Variants in DNAH2 observed in about 807,000 individuals in gnomAD.
DNAH2 encodes dynein axonemal heavy chain 2, also known as axonemal beta dynein heavy chain 2.
Under a neutral mutation model 523.5 loss-of-function variants are expected in DNAH2, and 323 were observed. The ratio of observed to expected loss-of-function variants is 0.62; its 90% CI spans 0.56 to 0.68. The LOEUF (loss-of-function observed/expected upper bound fraction) is 0.68. DNAH2 is among the 30% of genes least tolerant of loss of function. The pLI, the probability that DNAH2 is intolerant of heterozygous loss-of-function variation, is 0.00. For missense variants in DNAH2, 4,907 were observed against 5,701.5 expected (o/e 0.86, Z 4.49); for synonymous variants, 2,093 against 2,177.4 (o/e 0.96, Z 1.08).
Position 7,796,617 on chromosome 17 carries a change from A to G in DNAH2, c.7828A>G (p.Met2610Val). Residue 2610 changes from methionine to valine, a missense_variant, in exon 50 of 86, where the codon ATG becomes GTG. Coordinates refer to ENST00000572933, the MANE Select transcript of DNAH2 (RefSeq NM_020877.5). The stretch of plus-strand genomic sequence containing the variant: ...GCGCTTCCTGCCCACGCCCACCAAG[A>G]TGCATTACCTCTTCAACCTTCGAGA... ...VQRFLPTPTKMHYLFNLRDIS... is the reference protein window; with the variant it reads ...VQRFLPTPTKVHYLFNLRDIS... 6.2e-7 allele frequency: 1 copy of G among 1,612,906 alleles called. No individual in the cohort carries two copies. The highest frequency in any genetic ancestry group is 2.2e-5 in the East Asian group (1 of 44,758).
Position 7,759,477 on chromosome 17 carries a change from C to A in DNAH2, c.2504C>A (p.Ala835Asp). 2 of 1,614,118 alleles carry A rather than the reference C, an allele frequency of 1.2e-6. No individual in the cohort carries two copies. ...MIRLDRMMED[A>D]LRLNVKWSLL... ...CGGCTGGACCGCATGATGGAGGATG[C>A]CCTGCGCCTGAATGTGAAGTGGTCA... is the stretch of plus-strand genomic sequence containing the variant. The change falls in exon 16 of 86, where the codon GCC (alanine) becomes GAC (aspartate). Residue 835 changes from alanine (A) to aspartate (D), a missense_variant. Physicochemically the swap from Ala to Asp is moderately radical, Grantham distance 126 (BLOSUM62 -2). Coordinates refer to ENST00000572933, the MANE Select transcript of DNAH2 (RefSeq NM_020877.5).
intron 57 of DNAH2, 78 bp from the exon 58 acceptor site, chr17:7,801,800 C>A (rs866745916): frequency 4.3e-6 from 7 of 1,609,532 alleles, no homozygotes; most frequent in African/African-American, 2.7e-5. Context: ...CTCTCTCCTT[C>A]CCGCCTCTCA....
rs756906141 is a variant in DNAH2, at chr17:7,814,140, C to T, written c.9730-2431C>T. Among the ~76,000 whole-genome samples the T allele has an allele frequency of 1.2e-3, 171 of 140,646 alleles. 1 individual carries two copies. The highest frequency in any genetic ancestry group is 2.0e-3 in the Admixed American group (26 of 13,248). The allele number at this position is 140,646 out of a possible 152,430, so 92.3% of individuals were successfully genotyped here. The stretch of plus-strand genomic sequence containing the variant: ...ACTTCCCCTTAACCGGGTGCACTTT[C>T]GTTCCTTTTGGATTTTGATTTATGT... On this transcript the variant is annotated intron_variant, in intron 63 of 85. Transcript: ENST00000572933.
intron 6 of DNAH2, 21 bp from the exon 7 acceptor site, chr17:7,734,449 A>G (rs1025157291): frequency 3.7e-6 from 6 of 1,612,094 alleles, no homozygotes; most frequent in Non-Finnish European, 5.1e-6. Flanking sequence ...AACGAAGGAG[A>G]TTTTGTACTC....
Position 7,770,874 on chromosome 17 carries a change from C to T in DNAH2, c.4303C>T (p.Leu1435Phe). Residue 1435 changes from leucine to phenylalanine, a missense_variant, in exon 27 of 86, where the codon CTC becomes TTC. Around this residue, in one of 3 missense-constraint regions of DNAH2, gnomAD observed 2,806 missense variants for 3,190.8 expected, o/e 0.88. Transcript: ENST00000572933. ...DVDHWERCLS[L>F]ILEVIEMILT... Reference sequence around the variant, plus strand: ...GGACCACTGGGAACGCTGCCTCTCCCTCATTTTGGAGGTTATTGAGATGAT... The same window carrying T: ...GGACCACTGGGAACGCTGCCTCTCCTTCATTTTGGAGGTTATTGAGATGAT... 1 of 1,614,186 alleles carries T rather than the reference C, an allele frequency of 6.2e-7. No individual in the cohort carries two copies. Among genetic ancestry groups the T allele is most frequent in the Non-Finnish European group, 8.5e-7 (1 of 1,180,038 alleles).
In DNAH2 at chr17:7,823,617, C is replaced by A. The variant is rs200829584; in HGVS notation, c.11318C>A (p.Ala3773Glu). Reference sequence around the variant, plus strand: ...TATACCAATGCTGCCCCGGAGAAGGCGATGCTGCCAGGTACCAGGCGTCTG... The same window carrying A: ...TATACCAATGCTGCCCCGGAGAAGGAGATGCTGCCAGGTACCAGGCGTCTG... ...LWYTNAAPEKAMLPGEWENAC... is the reference protein window; with the variant it reads ...LWYTNAAPEKEMLPGEWENAC... Residue 3773 changes from alanine (A) to glutamate (E), a missense_variant, in exon 74 of 86, where the codon GCG (alanine) becomes GAG (glutamate). By Grantham distance (107) the Ala-to-Glu change is moderately radical. Coordinates refer to ENST00000572933, the MANE Select transcript of DNAH2 (RefSeq NM_020877.5). 6.2e-7 allele frequency: 1 copy of A among 1,613,900 alleles called. No homozygotes were observed. The highest frequency in any genetic ancestry group is 8.5e-7 in the Non-Finnish European group (1 of 1,179,916).
intron 32 of DNAH2, 74 bp downstream of exon 32, chr17:7,776,963 C>A: frequency 7.9e-7 from 1 of 1,268,620 alleles, no homozygotes; most frequent in Non-Finnish European, 1.1e-6. Flanking sequence ...GGAGCCCACT[C>A]GCTTGAGCCC....
intron 44 of DNAH2, among the ~76,000 whole-genome samples, chr17:7,790,907 A>G (rs1219366968): frequency 6.6e-6 from 1 of 151,438 alleles, no homozygotes; most frequent in Non-Finnish European, 1.5e-5. Flanking sequence ...AGGTTTCACT[A>G]TGTTATTCAG....
chr17:7,727,208 T>G lies in DNAH2; in HGVS notation c.315T>G (p.Phe105Leu). Residue 105 changes from phenylalanine to leucine, a missense_variant, in exon 4 of 86, where the codon TTT becomes TTG. Phe to Leu is a conservative substitution (Grantham distance 22). Transcript: ENST00000572933. Reference protein sequence around the residue: ...TQEHDAILEHFAQDPTESILT... With the variant: ...TQEHDAILEHLAQDPTESILT... Reference sequence around the variant, plus strand: ...AGCATGATGCCATTCTGGAACACTTTGCCCAGGACCCTACAGAATCCATCC... The same window carrying G: ...AGCATGATGCCATTCTGGAACACTTGGCCCAGGACCCTACAGAATCCATCC... 6.2e-7 allele frequency: 1 copy of G among 1,608,900 alleles called. No individual in the cohort carries two copies. Among genetic ancestry groups the G allele is most frequent in the Non-Finnish European group, 8.5e-7 (1 of 1,178,092 alleles).
intron 39 of DNAH2, among the ~76,000 whole-genome samples, chr17:7,782,051 AGG>A (rs2076617413): frequency 6.6e-6 from 1 of 152,184 alleles, no homozygotes; most frequent in Non-Finnish European, 1.5e-5. Flanking sequence ...CCAGGAGTTG[AGG>A]AGGGTAGGGA....
At chr17:7,737,280 G>A (rs748375093) in intron 8 of DNAH2, 22 bp downstream of exon 8, 1 of 1,607,738 alleles carries the variant, frequency 6.2e-7, no homozygotes, top group Admixed American at 1.7e-5. Context: ...CTGAGGGTGG[G>A]ATGGAGGGGT....
chr17:7,770,144 G>A (rs1048370959), intron 24 of DNAH2, 108 bp from the exon 25 acceptor site: 3 of 1,410,650 alleles, frequency 2.1e-6, no homozygotes, highest in South Asian at 1.7e-5. Context: ...AGCAAAATGA[G>A]TTGAATCATG....
chr17:7,733,954 C>G (rs534246270), intron 5 of DNAH2, among the ~76,000 whole-genome samples: 3 of 152,328 alleles, frequency 2.0e-5, no homozygotes, highest in African/African-American at 7.2e-5. Flanking sequence ...AGGCGCGATA[C>G]AGATCTTTGA....
chr17:7,736,969 T>C, intron 7 of DNAH2, 98 bp from the exon 8 acceptor site: 1 of 1,176,950 alleles, frequency 8.5e-7, no homozygotes. Flanking sequence ...GTGACAAGAG[T>C]AAAACTCCAT....
rs777715876 is a variant in DNAH2, at chr17:7,831,822, C to T, written c.12726+47C>T. Reference sequence around the variant, plus strand: ...TCCTTCTCCAACAATGAGCTCCCCTCTCAATCCTGGGCCCCCCAATCTCCT... The same window carrying T: ...TCCTTCTCCAACAATGAGCTCCCCTTTCAATCCTGGGCCCCCCAATCTCCT... On this transcript the variant is annotated intron_variant, in intron 82 of 85. Transcript: ENST00000572933. The surrounding 1 kb of genome is among the most constrained non-coding windows in gnomAD (Gnocchi z 4.2). The T allele has an allele frequency of 1.9e-6, 3 of 1,549,614 alleles. No homozygotes were observed. The highest frequency in any genetic ancestry group is 2.7e-5 in the African/African-American group (2 of 73,844).
Position 7,788,007 on chromosome 17 carries a change from G to T in DNAH2, c.6741+10G>T, listed in dbSNP as rs369749733. 4.1e-5 allele frequency: 66 copies of T among 1,613,850 alleles called. No individual in the cohort carries two copies. The highest frequency in any genetic ancestry group is 4.8e-5 in the Non-Finnish European group (57 of 1,179,898). On this transcript the variant is annotated intron_variant, in intron 43 of 85. Coordinates refer to ENST00000572933, the MANE Select transcript of DNAH2 (RefSeq NM_020877.5). ...GGAGAAGAGGCCAAAGGTATGAAGG[G>T]AACTGAGGAGAGGGAAAGTAACCAG... is the stretch of plus-strand genomic sequence containing the variant.
chr17:7,819,129 C>T (rs1357273846), intron 71 of DNAH2, 66 bp downstream of exon 71: 56 of 1,602,872 alleles, frequency 3.5e-5, no homozygotes, highest in Non-Finnish European at 4.6e-5. Flanking sequence ...ATCATGACGG[C>T]TCGAGACCCC....
chr17:7,787,008 G>A lies in DNAH2; in HGVS notation c.6578G>A (p.Gly2193Asp), dbSNP rs1363380446. 4 of 1,614,172 alleles carry A rather than the reference G, an allele frequency of 2.5e-6. No homozygotes were observed. The highest frequency in any genetic ancestry group is 3.4e-6 in the Non-Finnish European group (4 of 1,180,036). ...DDNKVLTLINGERIAMPEQVS... is the reference protein window; with the variant it reads ...DDNKVLTLINDERIAMPEQVS... ...AACAAGGTGTTGACCCTCATCAACG[G>A]CGAGCGCATCGCGATGCCCGAGCAG... The change falls in exon 42 of 86, where the codon GGC (glycine) becomes GAC (aspartate). Residue 2193 changes from glycine (G) to aspartate (D), a missense_variant. Physicochemically the swap from Gly to Asp is moderately conservative, Grantham distance 94. Around this residue, in one of 3 missense-constraint regions of DNAH2, gnomAD observed 2,806 missense variants for 3,190.8 expected, o/e 0.88. Transcript: ENST00000572933.
intron 2 of DNAH2, 80 bp downstream of exon 2, chr17:7,719,980 G>A: frequency 7.1e-7 from 1 of 1,416,726 alleles, no homozygotes; most frequent in South Asian, 1.5e-5. Context: ...TTTTAGGGCT[G>A]GGGAGCAGGC....
Sources: gnomAD v4.1 joint callset for allele counts (sites outside exome capture counted in the v4.1 genomes callset) on GRCh38, gnomAD v4.1.1 for gene constraint, gnomAD v4.1.1 regional missense constraint, Gnocchi (gnomAD v3.1) non-coding constraint, MANE v1.5 for transcripts, NCBI Gene and HGNC (gene_info 2026-07-23, HGNC 2026-07-21) for gene names.